Variants in FGF18 observed in about 807,000 individuals in gnomAD.
FGF18 encodes the protein fibroblast growth factor 18.
A neutral mutation model predicts 23.0 loss-of-function variants in FGF18; 5 were observed. That is an observed-to-expected ratio of 0.22 (90% CI 0.11 to 0.46). FGF18 has a LOEUF of 0.46. Among genes scored for constraint, FGF18 ranks in the 20% least tolerant of loss-of-function variants. The pLI, the probability that FGF18 is intolerant of heterozygous loss-of-function variation, is 0.99. For missense variants in FGF18, 180 were observed against 291.6 expected, an observed-to-expected ratio of 0.62 and a Z score of 2.79; for synonymous variants, 117 against 118.9, an observed-to-expected ratio of 0.98 and a Z score of 0.10.
intron 2 of FGF18, among the ~76,000 whole-genome samples, chr5:171,433,137 G>A (rs942338900): frequency 2.6e-5 from 4 of 152,318 alleles, no homozygotes; most frequent in Non-Finnish European, 1.5e-5. Context: ...CTCCCTGGGG[G>A]CTGATCTGGC....
intron 2 of FGF18, among the ~76,000 whole-genome samples, chr5:171,431,639 G>A (rs1772183094): frequency 6.6e-6 from 1 of 152,230 alleles, no homozygotes; most frequent in Admixed American, 6.5e-5. Flanking sequence ...CCACCATGCT[G>A]TGAGAAAAGC....
rs964115407 is a variant in FGF18 at position 171,457,563 on chromosome 5, T to C, written c.*758T>C. ...TATTTCACCTCTCTGTATATTGCAG[T>C]TTCATGAACCAAGTATTACTGCCTC... On this transcript the variant is annotated 3_prime_UTR_variant, in exon 5 of 5. Coordinates refer to ENST00000274625, the MANE Select transcript of FGF18 (RefSeq NM_003862.3). 1 of 152,016 alleles carries C rather than the reference T, an allele frequency of 6.6e-6. No individual in the cohort carries two copies. Among genetic ancestry groups the C allele is most frequent in the African/African-American group, 2.4e-5 (1 of 41,352 alleles). 9.4% of individuals were successfully genotyped at this position (152,016 alleles called of 1,614,324 possible).
At position 171,443,500 on chromosome 5, in the gene FGF18, C is replaced by CTTTTTTTTTTTTTTT. The variant is rs766926286; in HGVS notation, c.251-5647_251-5646insTTTTTTTTTTTTTTT. ...TCAGATAAGTATTCACTGTTATCAT[C>CTTTTTTTTTTTTTTT]ATTTTTTTTTTTTTTTTTTTTTTTT... is the stretch of plus-strand genomic sequence containing the variant. On this transcript the variant is annotated intron_variant, in intron 3 of 4. Coordinates refer to ENST00000274625, the MANE Select transcript of FGF18 (RefSeq NM_003862.3). Among the ~76,000 whole-genome samples, 179 of 70,254 alleles carry CTTTTTTTTTTTTTTT rather than the reference C, an allele frequency of 2.5e-3. 31 individuals carry two copies. Among genetic ancestry groups the CTTTTTTTTTTTTTTT allele is most frequent in the Middle Eastern group, 0.01 (1 of 98 alleles). The allele number at this position is 70,254 out of a possible 152,430, so 46.1% of individuals were successfully genotyped here.
intron 2 of FGF18, among the ~76,000 whole-genome samples, chr5:171,427,764 T>C (rs1006285493): frequency 6.6e-6 from 1 of 152,190 alleles, no homozygotes; most frequent in Non-Finnish European, 1.5e-5. Context: ...GTGTTCCCCA[T>C]GAAGAGATGG....
chr5:171,451,164 T>C lies in FGF18; in HGVS notation c.357+1911T>C, dbSNP rs1411628681. Among the ~76,000 whole-genome samples, 3 of 149,350 alleles carry C rather than the reference T, an allele frequency of 2.0e-5. No homozygotes were observed. Among genetic ancestry groups the C allele is most frequent in the Non-Finnish European group, 1.5e-5 (1 of 67,454 alleles). On this transcript the variant is annotated intron_variant, in intron 4 of 4. Transcript: ENST00000274625. This position sits in a 1 kb window ranked among gnomAD's most constrained non-coding sequence, Gnocchi z 4.5. The stretch of plus-strand genomic sequence containing the variant: ...CCCTCGCCCTCTCTCCCGTCATTAA[T>C]ATTGGTGACGGTTCAGCTGGCGCGG...
In FGF18 at chr5:171,451,121, C is replaced by G. The variant is rs1482263583; in HGVS notation, c.357+1868C>G. Among the ~76,000 whole-genome samples, 2 of 151,552 alleles carry G rather than the reference C, an allele frequency of 1.3e-5. No individual in the cohort carries two copies. Among genetic ancestry groups the G allele is most frequent in the Admixed American group, 1.3e-4 (2 of 15,252 alleles). On this transcript the variant is annotated intron_variant, in intron 4 of 4. Coordinates refer to ENST00000274625, the MANE Select transcript of FGF18 (RefSeq NM_003862.3). The surrounding 1 kb of genome is among the most constrained non-coding windows in gnomAD (Gnocchi z 4.5). ...GCTGAGTCACCGCTTCCACAGGAGCCGGCTCCGATTTCCTGCCCCCTCGCC... is the reference window on the plus strand; with the variant it reads ...GCTGAGTCACCGCTTCCACAGGAGCGGGCTCCGATTTCCTGCCCCCTCGCC...
At chr5:171,448,163 G>A (rs890507480) in intron 3 of FGF18, among the ~76,000 whole-genome samples, 3 of 152,180 alleles carry the variant, frequency 2.0e-5, no homozygotes, top group African/African-American at 7.2e-5. Context: ...GGCTTTGGGG[G>A]ATCAGCTCTG....
At chr5:171,426,241 G>T (rs1325968429) in intron 2 of FGF18, among the ~76,000 whole-genome samples, 8 of 152,100 alleles carry the variant, frequency 5.3e-5, no homozygotes, top group Non-Finnish European at 8.8e-5. Context: ...GGGTTCCCTT[G>T]CCCCCTGCCC....
At position 171,457,523 on chromosome 5, in the gene FGF18, T is replaced by G. The variant is rs1419479295; in HGVS notation, c.*718T>G. The G allele has an allele frequency of 6.6e-6, 1 of 151,792 alleles. No homozygotes were observed. The highest frequency in any genetic ancestry group is 1.5e-5 in the Non-Finnish European group (1 of 67,996). 9.4% of individuals were successfully genotyped at this position (151,792 alleles called of 1,614,324 possible). ...AACCAGCTATATTATATATATTATA[T>G]ATATATAAGCTATTTATTTCACCTC... is the stretch of plus-strand genomic sequence containing the variant. On this transcript the variant is annotated 3_prime_UTR_variant, in exon 5 of 5. Transcript: ENST00000274625.
intron 3 of FGF18, among the ~76,000 whole-genome samples, chr5:171,437,073 G>A (rs1772257983): frequency 6.6e-6 from 1 of 152,186 alleles, no homozygotes; most frequent in South Asian, 2.1e-4. Flanking sequence ...CCACTCACTG[G>A]GAAAGCACCT....
At chr5:171,452,649 C>A (rs1772533436) in intron 4 of FGF18, among the ~76,000 whole-genome samples, 1 of 152,120 alleles carries the variant, frequency 6.6e-6, no homozygotes, top group African/African-American at 2.4e-5. Context: ...TTTTCCCCAT[C>A]TCTGGAGACG....
chr5:171,455,764 G>A (rs1772571796), intron 4 of FGF18, among the ~76,000 whole-genome samples: 1 of 152,062 alleles, frequency 6.6e-6, no homozygotes, highest in Non-Finnish European at 1.5e-5. Context: ...GGATGGCTTG[G>A]GTCACTTGCT....
chr5:171,443,783 G>C (rs769665667), intron 3 of FGF18, among the ~76,000 whole-genome samples: 6 of 152,008 alleles, frequency 3.9e-5, no homozygotes, highest in Non-Finnish European at 8.8e-5. Context: ...CTCCTTTCTG[G>C]ATGCCGGAGA....
In FGF18 at chr5:171,434,580, A is replaced by G. The variant is rs750436260; in HGVS notation, c.70-1513A>G. ...TGGGCACACAGGGAACAAACCCAGA[A>G]TGCTGTCTGGGCTTCAGGAATGGCT... On this transcript the variant is annotated intron_variant, in intron 2 of 4. Coordinates refer to ENST00000274625, the MANE Select transcript of FGF18 (RefSeq NM_003862.3). The surrounding 1 kb of genome is among the most constrained non-coding windows in gnomAD (Gnocchi z 4.6). 6.6e-6 allele frequency among the ~76,000 whole-genome samples: 1 copy of G among 152,148 alleles called. No individual in the cohort carries two copies. The highest frequency in any genetic ancestry group is 1.5e-5 in the Non-Finnish European group (1 of 68,036).
intron 2 of FGF18, among the ~76,000 whole-genome samples, chr5:171,428,120 G>C (rs775714569): frequency 2.0e-5 from 3 of 152,196 alleles, no homozygotes; most frequent in Non-Finnish European, 4.4e-5. Context: ...GTGTCTCAAG[G>C]CCGGATTGTC....
At chr5:171,431,514 C>T (rs780300043) in intron 2 of FGF18, among the ~76,000 whole-genome samples, 3 of 152,094 alleles carry the variant, frequency 2.0e-5, no homozygotes, top group Non-Finnish European at 4.4e-5. Flanking sequence ...GCCTCGTTGC[C>T]TCTGTGTAGT....
chr5:171,435,745 T>A (rs779920485), intron 2 of FGF18, among the ~76,000 whole-genome samples: 6 of 152,142 alleles, frequency 3.9e-5, no homozygotes, highest in Non-Finnish European at 8.8e-5. Flanking sequence ...TACCCTGGGA[T>A]GGAATCAGGG....
intron 2 of FGF18, among the ~76,000 whole-genome samples, chr5:171,425,202 A>G (rs996621079): frequency 6.6e-6 from 1 of 152,256 alleles, no homozygotes; most frequent in African/African-American, 2.4e-5. Context: ...CAATATTCAT[A>G]GTGACCACCA....
At chr5:171,449,380 TGTGTGTGTGTGTGTGTGTGTGA>T in intron 4 of FGF18, 127 bp downstream of exon 4, 4 of 489,794 alleles carry the variant, frequency 8.2e-6, no homozygotes, top group Admixed American at 5.7e-5. Flanking sequence ...TGTGTGTGTG[TGTGTGTGTGTGTGTGTGTGTGA>T]GAGAGAGAGA....
Sources: allele counts gnomAD v4.1 joint callset (sites outside exome capture counted in the v4.1 genomes callset), GRCh38; gene constraint gnomAD v4.1.1; non-coding constraint Gnocchi (gnomAD v3.1); transcripts MANE v1.5; gene names NCBI Gene and HGNC (gene_info 2026-07-23, HGNC 2026-07-21).